PCNX4: variants seen among roughly 807,000 people sequenced by gnomAD.
The protein encoded by PCNX4 is pecanex 4.
In PCNX4, 103 loss-of-function variants were observed where a neutral mutation model predicts 107.2. That is an observed-to-expected ratio of 0.96 (90% CI 0.82 to 1.13). PCNX4 has a LOEUF of 1.13. Among genes scored for constraint, PCNX4 ranks in the 50% most tolerant of loss-of-function variants. PCNX4 has a pLI of 0.00. For missense variants in PCNX4, 1,528 were observed against 1,379.4 expected, an observed-to-expected ratio of 1.11 and a Z score of -1.71; for synonymous variants, 541 against 481.7, an observed-to-expected ratio of 1.12 and a Z score of -1.61.
rs375826572 is a variant in PCNX4 at position 60,121,221 on chromosome 14, C to T, written c.1968C>T (p.Tyr656=). 4.7e-6 allele frequency: 7 copies of T among 1,486,488 alleles called. No homozygotes were observed. The highest frequency in any genetic ancestry group is 6.3e-6 in the Non-Finnish European group (7 of 1,104,562). The allele number at this position is 1,486,488 out of a possible 1,614,324, so 92.1% of individuals were successfully genotyped here. ...SLGLLLPGSH[Y]LGRFQDRLMW... is the part of the protein sequence containing the mutation. ...GTCTCCTCCTACCTGGATCTCATTA[C>T]TTGGGCCGTTTTCAGGATCGTTTAA... Residue 656 remains tyrosine (Y), a synonymous_variant, in exon 8 of 11, where the codon TAC becomes TAT. Transcript: ENST00000406854.
In PCNX4 at chr14:60,125,839, T is replaced by G. The variant is rs1301565835; in HGVS notation, c.3267+16T>G. 1.9e-5 allele frequency: 30 copies of G among 1,564,346 alleles called. No individual in the cohort carries two copies. Among genetic ancestry groups the G allele is most frequent in the Non-Finnish European group, 2.3e-5 (27 of 1,153,460 alleles). The stretch of plus-strand genomic sequence containing the variant: ...TTCTAATATGGTAAGGTTAAAAAAT[T>G]TTTAAACTTACATATACTAACCTTA... On this transcript the variant is annotated intron_variant, in intron 10 of 10. Transcript: ENST00000406854.
In PCNX4 at chr14:60,118,640, G is replaced by A. The variant is rs759939403; in HGVS notation, c.1890G>A (p.Met630Ile). ...VCADTVYYYQ[M>I]VPRLTAVLQT... ...CAGATACAGTGTACTACTACCAAAT[G>A]GTGCCCAGGTTGACTGCTGTACTGC... Residue 630 changes from methionine (M) to isoleucine (I), a missense_variant, in exon 7 of 11, where the codon ATG becomes ATA. By Grantham distance (10) the Met-to-Ile change is conservative. Transcript: ENST00000406854. 8 of 1,612,832 alleles carry A rather than the reference G, an allele frequency of 5.0e-6. No individual in the cohort carries two copies. The South Asian group carries it at 8.8e-5, about 18-fold the overall frequency.
chr14:60,113,996 A>G (rs944637585), intron 2 of PCNX4, among the ~76,000 whole-genome samples: 2 of 152,202 alleles, frequency 1.3e-5, no homozygotes, highest in African/African-American at 4.8e-5. Flanking sequence ...AGGAAATTGT[A>G]GTGTGCAAGT....
In PCNX4 at chr14:60,108,224, G is replaced by A; in HGVS notation, c.586G>A (p.Ala196Thr). ...AGAATATTCTTTAATTGTAAACACA[G>A]CTACAGAGACTGCGACTTTCCAAAC... ...IAEYSLIVNT[A>T]TETATFQTQD... The change falls in exon 2 of 11, where the codon GCT (alanine) becomes ACT (threonine). Residue 196 changes from alanine to threonine, a missense_variant. Transcript: ENST00000406854. The A allele has an allele frequency of 6.2e-7, 1 of 1,612,612 alleles. No individual in the cohort carries two copies. Among genetic ancestry groups the A allele is most frequent in the Non-Finnish European group, 8.5e-7 (1 of 1,179,666 alleles).
intron 6 of PCNX4, among the ~76,000 whole-genome samples, chr14:60,117,648 A>G (rs1041572911): frequency 2.0e-5 from 3 of 152,214 alleles, no homozygotes; most frequent in Admixed American, 6.5e-5. Context: ...TTCTCTGGCC[A>G]GACACGGTGG....
intron 7 of PCNX4, among the ~76,000 whole-genome samples, chr14:60,119,148 T>G (rs767676410): frequency 6.6e-5 from 10 of 152,156 alleles, no homozygotes; most frequent in Admixed American, 3.3e-4. Context: ...TTACAGAGAC[T>G]TAAGCAGTCT....
intron 1 of PCNX4, among the ~76,000 whole-genome samples, 162 bp from the exon 2 acceptor site, chr14:60,107,424 G>T (rs939691388): frequency 6.6e-6 from 1 of 152,160 alleles, no homozygotes; most frequent in Non-Finnish European, 1.5e-5. Context: ...ATAAAAACTA[G>T]CAACTTAGTG....
At chr14:60,128,938 C>G (rs899170981) in intron 10 of PCNX4, among the ~76,000 whole-genome samples, 1 of 152,044 alleles carries the variant, frequency 6.6e-6, no homozygotes, top group East Asian at 1.9e-4. Context: ...TAAGGCTGGG[C>G]GCAGTGGTTC....
rs1452145660 is a variant in PCNX4 at position 60,139,935 on chromosome 14, TA to T, written c.*5715del. The T allele has an allele frequency of 1.3e-5, 2 of 148,256 alleles. No homozygotes were observed. Among genetic ancestry groups the T allele is most frequent in the Non-Finnish European group, 3.0e-5 (2 of 67,672 alleles). The allele number at this position is 148,256 out of a possible 1,614,324, so 9.2% of individuals were successfully genotyped here. A position where few individuals can be genotyped will look rare whatever the true frequency, so the allele number is the denominator to read the frequency against. On this transcript the variant is annotated 3_prime_UTR_variant, in exon 11 of 11. Transcript: ENST00000406854. The stretch of plus-strand genomic sequence containing the variant: ...AAAGCCATGCTTAGAAGGAAATTTA[TA>T]GTCTTAAACGCACATTAAAAAAAAA...
Position 60,125,674 on chromosome 14 carries a change from G to A in PCNX4, c.3118G>A (p.Gly1040Ser). The A allele has an allele frequency of 6.4e-7, 1 of 1,571,490 alleles. No homozygotes were observed. Among genetic ancestry groups the A allele is most frequent in the Non-Finnish European group, 8.6e-7 (1 of 1,160,694 alleles). The change falls in exon 10 of 11, where the codon GGT becomes AGT. Residue 1040 changes from glycine to serine, a missense_variant. Transcript: ENST00000406854. ...LKLMIDKASL[G>S]PIEDFRELIK... Reference sequence around the variant, plus strand: ...ACTAATGATTGATAAAGCAAGTTTAGGTCCAATAGAAGACTTTAGAGAACT... The same window carrying A: ...ACTAATGATTGATAAAGCAAGTTTAAGTCCAATAGAAGACTTTAGAGAACT...
chr14:60,119,399 AAC>A (rs1895913743), intron 7 of PCNX4, among the ~76,000 whole-genome samples: 1 of 152,200 alleles, frequency 6.6e-6, no homozygotes, highest in Admixed American at 6.5e-5. Context: ...CATGTGCTTT[AAC>A]CCCTGAAACT....
intron 8 of PCNX4, among the ~76,000 whole-genome samples, chr14:60,121,813 C>T (rs1009680498): frequency 1.3e-5 from 2 of 152,142 alleles, no homozygotes; most frequent in Non-Finnish European, 2.9e-5. Context: ...TTGTCAAGGT[C>T]TCTAGTGACT....
Position 60,124,286 on chromosome 14 carries a change from T to C in PCNX4, c.2115T>C (p.Asp705=). 1.2e-6 allele frequency: 2 copies of C among 1,607,332 alleles called. No individual in the cohort carries two copies. Among genetic ancestry groups the C allele is most frequent in the Non-Finnish European group, 8.5e-7 (1 of 1,176,402 alleles). The change falls in exon 9 of 11, where the codon GAT becomes GAC. Residue 705 remains aspartate, a synonymous_variant. Transcript: ENST00000406854. ...EARRVDEVFE[D]AFEQEYTRVC... ...GCAGAGTTGATGAAGTTTTTGAAGA[T>C]GCTTTTGAGCAAGAATACACAAGAG... is the stretch of plus-strand genomic sequence containing the variant.
At chr14:60,092,514 G>A (rs960167080) in intron 1 of PCNX4, 95 bp downstream of exon 1, 2 of 152,252 alleles carry the variant, frequency 1.3e-5, no homozygotes, top group African/African-American at 4.8e-5. Flanking sequence ...GGCTTTCATT[G>A]CCACAAGAAA....
chr14:60,115,179 T>A lies in PCNX4; in HGVS notation c.1075T>A (p.Tyr359Asn). 1 of 1,613,498 alleles carries A rather than the reference T, an allele frequency of 6.2e-7. No homozygotes were observed. Among genetic ancestry groups the A allele is most frequent in the Non-Finnish European group, 8.5e-7 (1 of 1,179,446 alleles). The change falls in exon 4 of 11, where the codon TAC (tyrosine) becomes AAC (asparagine). Residue 359 changes from tyrosine (Y) to asparagine (N), a missense_variant. By Grantham distance (143) the Tyr-to-Asn change is moderately radical. Transcript: ENST00000406854. ...TTTTTCATGGAAGGAATGCCTTTTCTACATCATTATATTAGTCTTGGCTCT... is the reference window on the plus strand; with the variant it reads ...TTTTTCATGGAAGGAATGCCTTTTCAACATCATTATATTAGTCTTGGCTCT... The part of the protein sequence containing the change: ...KHFSWKECLF[Y>N]IIILVLALLE...
At chr14:60,129,082 G>T (rs368287003) in intron 10 of PCNX4, among the ~76,000 whole-genome samples, 1 of 151,908 alleles carries the variant, frequency 6.6e-6, no homozygotes, top group Non-Finnish European at 1.5e-5. Context: ...TGGGTGTGGT[G>T]GTGGGTGCCT....
intron 1 of PCNX4, among the ~76,000 whole-genome samples, chr14:60,093,552 A>G (rs963109987): frequency 2.0e-5 from 3 of 152,130 alleles, no homozygotes; most frequent in Non-Finnish European, 1.5e-5. Flanking sequence ...TTATAGTCTA[A>G]TTTCATTGTG....
intron 4 of PCNX4, 117 bp from the exon 5 acceptor site, chr14:60,115,602 G>T: frequency 7.4e-7 from 1 of 1,345,142 alleles, no homozygotes; most frequent in Admixed American, 2.6e-5. Flanking sequence ...TTTGTTTATT[G>T]GCTTTTTAGT....
chr14:60,144,875 T>C lies in PCNX4; in HGVS notation c.*10654T>C, dbSNP rs774650418. 1 of 1,075,088 alleles carries C rather than the reference T, an allele frequency of 9.3e-7. No individual in the cohort carries two copies. The highest frequency in any genetic ancestry group is 1.4e-5 in the South Asian group (1 of 73,262). 66.6% of individuals were successfully genotyped at this position (1,075,088 alleles called of 1,614,324 possible). ...TCTATTAAAAAGTAAAATCACAAATTAGTCTTTGATTATTCAGAAGCATAA... is the reference window on the plus strand; with the variant it reads ...TCTATTAAAAAGTAAAATCACAAATCAGTCTTTGATTATTCAGAAGCATAA... On this transcript the variant is annotated 3_prime_UTR_variant, in exon 11 of 11. Transcript: ENST00000406854.
Sources: gnomAD v4.1 joint callset for allele counts (sites outside exome capture counted in the v4.1 genomes callset) on GRCh38, gnomAD v4.1.1 for gene constraint, MANE v1.5 for transcripts, NCBI Gene and HGNC (gene_info 2026-07-23, HGNC 2026-07-21) for gene names.